Variants in CAP1 observed in about 807,000 individuals in gnomAD.
CAP1 encodes adenylyl cyclase-associated protein 1.
CAP1 carries 11 observed loss-of-function variants against 58.2 expected under a neutral mutation model. The observed-to-expected ratio is 0.19, with a 90% CI of 0.12 to 0.31. The LOEUF is 0.31. CAP1 is among the 10% of genes least tolerant of loss of function. The probability of loss-of-function intolerance (pLI) is 1.00; values close to 1 mark genes in which losing one functional copy is unlikely to be tolerated. For synonymous variants in CAP1, 183 were observed against 213.8 expected, an observed-to-expected ratio of 0.86 and a Z score of 1.26; for missense variants, 423 against 587.5, an observed-to-expected ratio of 0.72 and a Z score of 2.89.
chr1:40,065,378 T>TTAAG lies in CAP1; in HGVS notation c.524+821_524+824dup, dbSNP rs752445236. Among the ~76,000 whole-genome samples the TTAAG allele has an allele frequency of 8.7e-4, 132 of 152,066 alleles. 1 individual carries two copies. Among genetic ancestry groups the TTAAG allele is most frequent in the Non-Finnish European group, 1.5e-3 (99 of 67,960 alleles). On this transcript the variant is annotated intron_variant, in intron 6 of 12. Coordinates refer to ENST00000372805, the MANE Select transcript of CAP1 (RefSeq NM_006367.4). ...CTGGAATGATTGCAGGCAAAATTTATTAAGTTGCATATCTACACAAGCCTT... is the reference window on the plus strand; with the variant it reads ...CTGGAATGATTGCAGGCAAAATTTATTAAGTAAGTTGCATATCTACACAAGCCTT...
At chr1:40,043,354 C>T (rs1057177083) in intron 1 of CAP1, among the ~76,000 whole-genome samples, 59 of 152,060 alleles carry the variant, frequency 3.9e-4, no homozygotes, top group African/African-American at 8.2e-4. Flanking sequence ...TGCGCCACCA[C>T]GCCCGGCTAA....
chr1:40,070,312 C>G (rs1647640332), intron 10 of CAP1, 30 bp downstream of exon 10: 1 of 1,613,572 alleles, frequency 6.2e-7, no homozygotes, highest in Non-Finnish European at 8.5e-7. Flanking sequence ...CCACGCAAGC[C>G]CCGTCCCAGA....
intron 1 of CAP1, among the ~76,000 whole-genome samples, chr1:40,056,999 T>TA (rs1646646490): frequency 6.6e-6 from 1 of 152,208 alleles, no homozygotes; most frequent in African/African-American, 2.4e-5. Flanking sequence ...TCATTCTGCT[T>TA]AAGTCAGACA....
intron 2 of CAP1, 25 bp downstream of exon 2, chr1:40,059,483 A>G: frequency 1.4e-6 from 2 of 1,402,692 alleles, no homozygotes; most frequent in Non-Finnish European, 2.0e-6. Context: ...GCCCAGCAGA[A>G]TGCTTTCTTT....
chr1:40,058,758 T>G (rs1232668226), intron 1 of CAP1, among the ~76,000 whole-genome samples: 1 of 152,042 alleles, frequency 6.6e-6, no homozygotes, highest in Non-Finnish European at 1.5e-5. Context: ...GTAAACATCC[T>G]ATTCATCTTG....
At chr1:40,064,594 T>G (rs1456433671) in intron 6 of CAP1, 35 bp downstream of exon 6, 1 of 1,521,484 alleles carries the variant, frequency 6.6e-7, no homozygotes, top group East Asian at 2.3e-5. Context: ...TTTTCTTTTC[T>G]GAGACAGTGT....
At chr1:40,056,694 G>T (rs77836925) in intron 1 of CAP1, among the ~76,000 whole-genome samples, 1 of 151,958 alleles carries the variant, frequency 6.6e-6, no homozygotes, top group Non-Finnish European at 1.5e-5. Context: ...GTACCACCTC[G>T]CAAATAGGCT....
chr1:40,055,233 A>G (rs1366405270), intron 1 of CAP1, among the ~76,000 whole-genome samples: 1 of 152,196 alleles, frequency 6.6e-6, no homozygotes, highest in Non-Finnish European at 1.5e-5. Context: ...GTAGCAAGAG[A>G]TAAAACAGGA....
intron 3 of CAP1, 28 bp from the exon 4 acceptor site, chr1:40,061,707 A>T: frequency 6.3e-7 from 1 of 1,593,456 alleles, no homozygotes; most frequent in South Asian, 1.1e-5. Flanking sequence ...ATAATGTGTC[A>T]TCAATAGCTG....
At chr1:40,061,690 T>C in intron 3 of CAP1, 45 bp from the exon 4 acceptor site, 1 of 1,497,134 alleles carries the variant, frequency 6.7e-7, no homozygotes, top group Admixed American at 1.7e-5. Context: ...TCAAGACTTC[T>C]CTAGTTATAA....
rs1648266266 is a variant in CAP1 at position 40,072,570 on chromosome 1, A to G, written c.*1037A>G. 1 of 153,638 alleles carries G rather than the reference A, an allele frequency of 6.5e-6. No homozygotes were observed. The highest frequency in any genetic ancestry group is 2.1e-4 in the South Asian group (1 of 4,834). 9.5% of individuals were successfully genotyped at this position (153,638 alleles called of 1,614,324 possible). On this transcript the variant is annotated 3_prime_UTR_variant, in exon 13 of 13. Coordinates refer to ENST00000372805, the MANE Select transcript of CAP1 (RefSeq NM_006367.4). ...AGAGATTGTCCTGTGATTTCTACCC[A>G]TTTCCTGAGGCCTGTGGAAATAAAC...
chr1:40,066,788 G>GAT (rs1557694207), intron 7 of CAP1, among the ~76,000 whole-genome samples: 1 of 152,210 alleles, frequency 6.6e-6, no homozygotes, highest in East Asian at 1.9e-4. Context: ...TGAGAAGTGG[G>GAT]ATACTACAAA....
At chr1:40,062,705 C>T (rs1160391567) in intron 4 of CAP1, among the ~76,000 whole-genome samples, 1 of 151,894 alleles carries the variant, frequency 6.6e-6, no homozygotes, top group Non-Finnish European at 1.5e-5. Context: ...TTTGAGGATG[C>T]AGTGAGCCAT....
At chr1:40,042,869 T>C (rs2124118930) in intron 1 of CAP1, among the ~76,000 whole-genome samples, 1 of 152,228 alleles carries the variant, frequency 6.6e-6, no homozygotes, top group South Asian at 2.1e-4. Flanking sequence ...GGAGGCTGAT[T>C]ATGGGAATGA....
At chr1:40,055,054 A>G (rs1488755192) in intron 1 of CAP1, among the ~76,000 whole-genome samples, 11 of 152,256 alleles carry the variant, frequency 7.2e-5, no homozygotes, top group Admixed American at 7.2e-4. Context: ...AGGAGGTGAT[A>G]ACTTAGCTGA....
chr1:40,070,500 T>A lies in CAP1; in HGVS notation c.1188T>A (p.Asp396Glu), dbSNP rs1647702125. The stretch of plus-strand genomic sequence containing the variant: ...TTGTGGAGATAATCAACAGTAAGGA[T>A]GTCAAAGTTCAGGTAACTCGATATT... ...VGIVEIINSK[D>E]VKVQVMGKVP... Residue 396 changes from aspartate to glutamate, a missense_variant, in exon 11 of 13, where the codon GAT (aspartate) becomes GAA (glutamate). Coordinates refer to ENST00000372805, the MANE Select transcript of CAP1 (RefSeq NM_006367.4). The A allele has an allele frequency of 6.2e-7, 1 of 1,613,656 alleles. No individual in the cohort carries two copies. Among genetic ancestry groups the A allele is most frequent in the African/African-American group, 1.3e-5 (1 of 74,920 alleles).
intron 1 of CAP1, among the ~76,000 whole-genome samples, chr1:40,048,660 T>C (rs1646217550): frequency 6.6e-6 from 1 of 152,170 alleles, no homozygotes; most frequent in Non-Finnish European, 1.5e-5. Context: ...TGACAAATAT[T>C]GTAAATTTTG....
At position 40,070,411 on chromosome 1, in the gene CAP1, A is replaced by C. The variant is rs1216329309; in HGVS notation, c.1118-19A>C. 1 of 1,608,502 alleles carries C rather than the reference A, an allele frequency of 6.2e-7. No homozygotes were observed. The highest frequency in any genetic ancestry group is 8.5e-7 in the Non-Finnish European group (1 of 1,175,410). On this transcript the variant is annotated intron_variant, in intron 10 of 12. Transcript: ENST00000372805. ...TTCCTTTAAAGTTACACGTTGACAC[A>C]CTCCCTTTCTTCTCCTAGATAACTG...
chr1:40,059,327 G>C lies in CAP1; in HGVS notation c.-10-10G>C. ...TTAAATAACAAATGACATTTGATCTGTTTCAGCAGGTGGTCCATTATGGCT... is the reference window on the plus strand; with the variant it reads ...TTAAATAACAAATGACATTTGATCTCTTTCAGCAGGTGGTCCATTATGGCT... On this transcript the variant is annotated splice_polypyrimidine_tract_variant and intron_variant, in intron 1 of 12. Coordinates refer to ENST00000372805, the MANE Select transcript of CAP1 (RefSeq NM_006367.4). 1 of 1,426,270 alleles carries C rather than the reference G, an allele frequency of 7.0e-7. No individual in the cohort carries two copies. The highest frequency in any genetic ancestry group is 9.9e-7 in the Non-Finnish European group (1 of 1,008,770). The allele number at this position is 1,426,270 out of a possible 1,614,324, so 88.4% of individuals were successfully genotyped here. A position where few individuals can be genotyped will look rare whatever the true frequency, so the allele number is the denominator to read the frequency against.
Sources: gnomAD v4.1 joint callset for allele counts (sites outside exome capture counted in the v4.1 genomes callset) on GRCh38, gnomAD v4.1.1 for gene constraint, MANE v1.5 for transcripts, NCBI Gene and HGNC (gene_info 2026-07-23, HGNC 2026-07-21) for gene names.